Variants in TPX2 observed in about 807,000 individuals in gnomAD.
The protein encoded by TPX2 is TPX2 microtubule nucleation factor, also known as targeting protein for Xklp2.
A neutral mutation model predicts 93.6 loss-of-function variants in TPX2; 21 were observed. That is an observed-to-expected ratio of 0.22 (90% CI 0.16 to 0.32). The LOEUF (loss-of-function observed/expected upper bound fraction) is 0.32, where lower values mean the gene tolerates loss of function less well. Among genes scored for constraint, TPX2 ranks in the 10% least tolerant of loss-of-function variants. TPX2 has a pLI of 1.00. For synonymous variants in TPX2, 281 were observed against 298.3 expected (o/e 0.94, Z 0.60); for missense variants, 776 against 871.1 (o/e 0.89, Z 1.37).
intron 2 of TPX2, among the ~76,000 whole-genome samples, chr20:31,751,225 G>A (rs539976433): frequency 6.6e-6 from 1 of 152,310 alleles, no homozygotes; most frequent in East Asian, 1.9e-4. Context: ...GTAGTTTTCA[G>A]CATCATGCTT....
chr20:31,749,032 G>A (rs2122956201), intron 2 of TPX2, among the ~76,000 whole-genome samples: 1 of 149,880 alleles, frequency 6.7e-6, no homozygotes. Flanking sequence ...TGCAACCTCC[G>A]CCTCCTGGGT....
Position 31,792,722 on chromosome 20 carries a change from T to C in TPX2, c.1414-13T>C. ...ATTTTGTGATATCTAATTGAGTTGC[T>C]TACTCCTTTCAGGGTGTTCCTGAAA... is the stretch of plus-strand genomic sequence containing the variant. On this transcript the variant is annotated splice_polypyrimidine_tract_variant and intron_variant, in intron 12 of 17. Transcript: ENST00000300403. 1 of 1,609,812 alleles carries C rather than the reference T, an allele frequency of 6.2e-7. No individual in the cohort carries two copies. The highest frequency in any genetic ancestry group is 1.1e-5 in the South Asian group (1 of 91,006).
At chr20:31,776,373 C>G (rs911803855) in intron 8 of TPX2, among the ~76,000 whole-genome samples, 5 of 152,000 alleles carry the variant, frequency 3.3e-5, no homozygotes, top group African/African-American at 9.7e-5. Flanking sequence ...AGCCACCGCA[C>G]CCGGCCAGTA....
rs2062109928 is a variant in TPX2, at chr20:31,792,741, C to T, written c.1420C>T (p.Pro474Ser). Reference protein sequence around the residue: ...TKILEDVVGVPEKKVLPITVP... With the variant: ...TKILEDVVGVSEKKVLPITVP... ...AGTTGCTTACTCCTTTCAGGGTGTT[C>T]CTGAAAAGAAGGTACTTCCAATCAC... Residue 474 changes from proline to serine, a missense_variant, in exon 13 of 18, where the codon CCT becomes TCT. This residue lies in a region of TPX2 where 461 missense variants were observed against 551.2 expected (regional missense o/e 0.84). Transcript: ENST00000300403. The T allele has an allele frequency of 6.2e-7, 1 of 1,614,034 alleles. No homozygotes were observed. Among genetic ancestry groups the T allele is most frequent in the Non-Finnish European group, 8.5e-7 (1 of 1,179,930 alleles).
chr20:31,749,173 C>G (rs950753617), intron 2 of TPX2, among the ~76,000 whole-genome samples: 12 of 152,188 alleles, frequency 7.9e-5, no homozygotes, highest in Admixed American at 5.9e-4. Flanking sequence ...GTCTCAATCT[C>G]TTGACCTCAT....
intron 12 of TPX2, 54 bp from the exon 13 acceptor site, chr20:31,792,681 C>A: frequency 6.8e-7 from 1 of 1,480,200 alleles, no homozygotes; most frequent in African/African-American, 1.4e-5. Flanking sequence ...TCTTCTCATA[C>A]AGCTTAGTGG....
intron 2 of TPX2, among the ~76,000 whole-genome samples, chr20:31,743,957 G>A (rs2061768273): frequency 6.6e-6 from 1 of 151,370 alleles, no homozygotes; most frequent in Non-Finnish European, 1.5e-5. Context: ...CTGACTTCAG[G>A]TGATCTGCCC....
chr20:31,748,914 A>G (rs1263259149), intron 2 of TPX2, among the ~76,000 whole-genome samples: 1 of 151,798 alleles, frequency 6.6e-6, no homozygotes, highest in Non-Finnish European at 1.5e-5. Context: ...CTCTTGCTCC[A>G]TGACATTTGT....
intron 8 of TPX2, 68 bp downstream of exon 8, chr20:31,776,056 T>C (rs1434130338): frequency 1.6e-5 from 6 of 366,628 alleles, no homozygotes; most frequent in Non-Finnish European, 2.0e-5. Context: ...AGGTGTTTTT[T>C]TTTTTTTTTT....
rs1212172553 is a variant in TPX2, at chr20:31,777,656, A to G, written c.882+18A>G. ...CATCTCCTGTAAGTTGATGGACTAA[A>G]TGAACATTTCTGTTACTAATATTCA... On this transcript the variant is annotated intron_variant, in intron 9 of 17. Transcript: ENST00000300403. 4 of 1,608,212 alleles carry G rather than the reference A, an allele frequency of 2.5e-6. No homozygotes were observed. The highest frequency in any genetic ancestry group is 3.4e-6 in the Non-Finnish European group (4 of 1,175,538).
intron 4 of TPX2, among the ~76,000 whole-genome samples, chr20:31,764,131 TAC>T (rs1421481054): frequency 3.3e-5 from 5 of 151,308 alleles, no homozygotes; most frequent in Non-Finnish European, 7.4e-5. Flanking sequence ...TGTATATATG[TAC>T]ATATACATGT....
At position 31,771,622 on chromosome 20, in the gene TPX2, A is replaced by G. The variant is rs774293862; in HGVS notation, c.548A>G (p.Asn183Ser). 11 of 1,614,026 alleles carry G rather than the reference A, an allele frequency of 6.8e-6. No homozygotes were observed. The South Asian group carries it at 1.2e-4, about 18-fold the overall frequency. The part of the protein sequence containing the change: ...GSAHQDTAEK[N>S]ASSPEKAKGR... ...GCTCATCAAGATACTGCTGAAAAGAATGCATCTTCCCCAGAGAAAGCCAAG... is the reference window on the plus strand; with the variant it reads ...GCTCATCAAGATACTGCTGAAAAGAGTGCATCTTCCCCAGAGAAAGCCAAG... The change falls in exon 7 of 18, where the codon AAT (asparagine) becomes AGT (serine). Residue 183 changes from asparagine to serine, a missense_variant. Physicochemically the swap from Asn to Ser is conservative, Grantham distance 46. Coordinates refer to ENST00000300403, the MANE Select transcript of TPX2 (RefSeq NM_012112.5).
At chr20:31,772,773 T>G (rs1568589084) in intron 7 of TPX2, among the ~76,000 whole-genome samples, 11 of 152,182 alleles carry the variant, frequency 7.2e-5, no homozygotes, top group Non-Finnish European at 1.5e-5. Flanking sequence ...AACTATTTTC[T>G]GTTGAAAATG....
At chr20:31,776,341 A>C (rs1220139449) in intron 8 of TPX2, among the ~76,000 whole-genome samples, 3 of 151,348 alleles carry the variant, frequency 2.0e-5, no homozygotes, top group Non-Finnish European at 4.4e-5. Context: ...CGGCCTCCCA[A>C]AGTGCTGGGA....
chr20:31,792,199 A>G (rs142678369), intron 12 of TPX2, among the ~76,000 whole-genome samples: 4 of 151,916 alleles, frequency 2.6e-5, no homozygotes, highest in African/African-American at 7.2e-5. Context: ...ACCCATCTCT[A>G]CAAAAAATGA....
chr20:31,786,633 G>T (rs897548195), intron 12 of TPX2, among the ~76,000 whole-genome samples: 2 of 152,132 alleles, frequency 1.3e-5, no homozygotes, highest in African/African-American at 4.8e-5. Flanking sequence ...TGAGCTCGTG[G>T]TCTCAAGCAA....
At chr20:31,794,354 C>G in intron 14 of TPX2, 48 bp from the exon 15 acceptor site, 1 of 1,592,172 alleles carries the variant, frequency 6.3e-7, no homozygotes, top group Non-Finnish European at 8.5e-7. Context: ...GCAGCTATTG[C>G]TTTCCAGCTA....
At chr20:31,800,399 T>C (rs1330410483) in intron 17 of TPX2, among the ~76,000 whole-genome samples, 1 of 152,218 alleles carries the variant, frequency 6.6e-6, no homozygotes, top group African/African-American at 2.4e-5. Flanking sequence ...ATGGCAACAT[T>C]GTAAAGCACA....
Position 31,777,492 on chromosome 20 carries a change from C to T in TPX2, c.736C>T (p.Pro246Ser). The T allele has an allele frequency of 6.2e-7, 1 of 1,613,670 alleles. No individual in the cohort carries two copies. Among genetic ancestry groups the T allele is most frequent in the Non-Finnish European group, 8.5e-7 (1 of 1,179,752 alleles). The change falls in exon 9 of 18, where the codon CCT (proline) becomes TCT (serine). Residue 246 changes from proline (P) to serine (S), a missense_variant. This residue lies in a region of TPX2 where 279 missense variants were observed against 261.6 expected (regional missense o/e 1.07). Transcript: ENST00000300403. ...KKLALAGIGQ[P>S]VKKSVSQVTK... ...TTACTGTGTTCATCTCTCAGGGCAACCTGTGAAGAAATCAGTGAGCCAGGT... is the reference window on the plus strand; with the variant it reads ...TTACTGTGTTCATCTCTCAGGGCAATCTGTGAAGAAATCAGTGAGCCAGGT...
Sources: allele counts gnomAD v4.1 joint callset (sites outside exome capture counted in the v4.1 genomes callset), GRCh38; gene constraint gnomAD v4.1.1; regional missense constraint gnomAD v4.1.1; transcripts MANE v1.5; gene names NCBI Gene and HGNC (gene_info 2026-07-23, HGNC 2026-07-21).